DLG2: variants seen among roughly 807,000 people sequenced by gnomAD.
DLG2 encodes disks large homolog 2.
DLG2 carries 45 observed loss-of-function variants against 132.5 expected under a neutral mutation model. The observed-to-expected ratio is 0.34, with a 90% CI of 0.27 to 0.44. DLG2 has a LOEUF of 0.44. Ranked by LOEUF, DLG2 falls within the 20% of genes least tolerant of loss-of-function variation. The pLI, the probability that DLG2 is intolerant of heterozygous loss-of-function variation, is 1.00. For synonymous variants in DLG2, 424 were observed against 419.6 expected (o/e 1.01, Z -0.13); for missense variants, 1,045 against 1,196.9 (o/e 0.87, Z 1.87).
chr11:85,033,379 AT>A (rs2154145725), intron 6 of DLG2, among the ~76,000 whole-genome samples: 2 of 136,064 alleles, frequency 1.5e-5, no homozygotes, highest in African/African-American at 5.7e-5. Flanking sequence ...CAAACAATAT[AT>A]CCTAGCAAAA....
intron 7 of DLG2, among the ~76,000 whole-genome samples, chr11:84,320,627 A>G (rs2098399194): frequency 6.6e-6 from 1 of 152,234 alleles, no homozygotes; most frequent in Admixed American, 6.5e-5. Context: ...AAAGCCAGGA[A>G]TACGTAAAGT....
intron 19 of DLG2, among the ~76,000 whole-genome samples, chr11:83,573,192 A>G (rs1383964143): frequency 1.3e-5 from 2 of 152,196 alleles, no homozygotes; most frequent in East Asian, 1.9e-4. Flanking sequence ...TAAATAAATT[A>G]TGAAGTTATG....
intron 9 of DLG2, among the ~76,000 whole-genome samples, chr11:84,101,822 T>C (rs1364033570): frequency 6.6e-6 from 1 of 151,990 alleles, no homozygotes. Flanking sequence ...CAAGCAGAGA[T>C]TGGGAGATAC....
chr11:84,577,855 C>A (rs1038359429), intron 6 of DLG2, among the ~76,000 whole-genome samples: 1 of 152,288 alleles, frequency 6.6e-6, no homozygotes, highest in African/African-American at 2.4e-5. Context: ...TCATGGCACC[C>A]CCTCCCATCA....
intron 7 of DLG2, among the ~76,000 whole-genome samples, chr11:84,392,512 A>G (rs1218412430): frequency 6.6e-6 from 1 of 152,168 alleles, no homozygotes; most frequent in African/African-American, 2.4e-5. Flanking sequence ...GATCATACTT[A>G]CGATGTTCAA....
chr11:84,705,998 A>T (rs190228191), intron 6 of DLG2, among the ~76,000 whole-genome samples: 15 of 151,918 alleles, frequency 9.9e-5, no homozygotes, highest in African/African-American at 3.4e-4. Flanking sequence ...CAGCCTTGTG[A>T]CACTTGAGTT....
intron 6 of DLG2, among the ~76,000 whole-genome samples, chr11:84,755,738 C>A (rs2066790072): frequency 1.3e-5 from 2 of 152,136 alleles, no homozygotes; most frequent in South Asian, 4.1e-4. Context: ...TGTCTTTTAC[C>A]CAGACTATCT....
intron 6 of DLG2, among the ~76,000 whole-genome samples, chr11:84,856,183 T>C (rs1367814516): frequency 1.3e-5 from 2 of 152,122 alleles, no homozygotes; most frequent in African/African-American, 4.8e-5. Context: ...AAAGTCATTC[T>C]AATCCTTCTT....
intron 6 of DLG2, among the ~76,000 whole-genome samples, chr11:84,974,045 C>A (rs538337518): frequency 6.6e-6 from 1 of 152,228 alleles, no homozygotes; most frequent in South Asian, 2.1e-4. Context: ...CTGCATTAAA[C>A]TAGAGAAATT....
At chr11:84,344,562 T>A (rs1382668284) in intron 7 of DLG2, among the ~76,000 whole-genome samples, 1 of 152,162 alleles carries the variant, frequency 6.6e-6, no homozygotes, top group Non-Finnish European at 1.5e-5. Flanking sequence ...CAACCAGACA[T>A]TGAGAAACTT....
intron 3 of DLG2, among the ~76,000 whole-genome samples, chr11:85,321,527 A>T (rs1245262741): frequency 6.6e-6 from 1 of 152,074 alleles, no homozygotes; most frequent in African/African-American, 2.4e-5. Flanking sequence ...AGGGTACATA[A>T]GAGAAGCAAT....
At chr11:85,247,179 C>G (rs4944513) in intron 4 of DLG2, among the ~76,000 whole-genome samples, 133,209 of 152,092 alleles carry the variant, frequency 0.88, 58,745 homozygotes, top group Non-Finnish European at 0.93. Context: ...ACAATATAAG[C>G]GTAGCCTTTT....
chr11:84,745,580 G>A (rs1199962811), intron 6 of DLG2, among the ~76,000 whole-genome samples: 1 of 152,026 alleles, frequency 6.6e-6, no homozygotes, highest in Non-Finnish European at 1.5e-5. Context: ...ATATGAGAAT[G>A]GCCTAATAAC....
intron 8 of DLG2, among the ~76,000 whole-genome samples, chr11:84,226,581 A>C (rs1303984597): frequency 1.3e-5 from 2 of 152,214 alleles, no homozygotes; most frequent in Non-Finnish European, 2.9e-5. Flanking sequence ...TGTACAGTTC[A>C]TAAACTGACT....
Position 84,350,182 on chromosome 11 carries a change from C to G in DLG2, c.520-98891G>C, listed in dbSNP as rs7105698. Reference sequence around the variant, plus strand: ...GACAGAGAGAGACTTCGTCCCCCCCCCCAAAAAAAAAAAAAAAAAATCCAG... The same window carrying G: ...GACAGAGAGAGACTTCGTCCCCCCCGCCAAAAAAAAAAAAAAAAAATCCAG... On this transcript the variant is annotated intron_variant, in intron 7 of 27. Transcript: ENST00000376104. Among the ~76,000 whole-genome samples, 115 of 142,506 alleles carry G rather than the reference C, an allele frequency of 8.1e-4. 1 individual carries two copies. Among genetic ancestry groups the G allele is most frequent in the Non-Finnish European group, 9.7e-4 (64 of 65,760 alleles). The allele number at this position is 142,506 out of a possible 152,430, so 93.5% of individuals were successfully genotyped here.
At position 84,360,719 on chromosome 11, in the gene DLG2, CAG is replaced by C. The variant is rs1478551890; in HGVS notation, c.520-109430_520-109429del. On this transcript the variant is annotated intron_variant, in intron 7 of 27. Coordinates refer to ENST00000376104, the MANE Select transcript of DLG2 (RefSeq NM_001142699.3). ...GATAAGAAGGACTATCATGAACAGA[CAG>C]AGAGTCAGAGAGGTACAAGTGTGGA... is the stretch of plus-strand genomic sequence containing the variant. 5.9e-5 allele frequency among the ~76,000 whole-genome samples: 9 copies of C among 151,834 alleles called. No homozygotes were observed. The East Asian group carries it at 1.4e-3, about 23-fold the overall frequency.
chr11:84,822,779 C>T (rs528568562), intron 6 of DLG2, among the ~76,000 whole-genome samples: 11 of 151,990 alleles, frequency 7.2e-5, no homozygotes, highest in African/African-American at 2.6e-4. Context: ...AATACTTTCA[C>T]CAGAATTATA....
At chr11:85,092,996 A>G (rs144251951) in intron 6 of DLG2, among the ~76,000 whole-genome samples, 366 of 152,298 alleles carry the variant, frequency 2.4e-3, no homozygotes, top group Non-Finnish European at 3.9e-3. Context: ...CATGGAAAAT[A>G]GGAATATCCA....
chr11:84,201,309 T>C (rs576634830), intron 8 of DLG2, among the ~76,000 whole-genome samples: 4 of 152,230 alleles, frequency 2.6e-5, no homozygotes, highest in Non-Finnish European at 5.9e-5. Context: ...TTGACTGTAA[T>C]GGATAAGCTT....
Sources: allele counts gnomAD v4.1 joint callset (sites outside exome capture counted in the v4.1 genomes callset), GRCh38; gene constraint gnomAD v4.1.1; transcripts MANE v1.5; gene names NCBI Gene and HGNC (gene_info 2026-07-23, HGNC 2026-07-21).